OBI1: variants seen among roughly 807,000 people sequenced by gnomAD.
OBI1 encodes the protein ORC ubiquitin ligase 1.
OBI1 carries 59 observed loss-of-function variants against 62.4 expected under a neutral mutation model. The observed-to-expected ratio is 0.95, with a 90% CI of 0.77 to 1.17. The LOEUF (loss-of-function observed/expected upper bound fraction) is 1.17, where lower values mean the gene tolerates loss of function less well. Ranked by LOEUF, OBI1 falls within the 50% of genes most tolerant of loss-of-function variation. The pLI, the probability that OBI1 is intolerant of heterozygous loss-of-function variation, is 0.00. For synonymous variants in OBI1, 302 were observed against 292.8 expected (o/e 1.03, Z -0.32); for missense variants, 875 against 830.9 (o/e 1.05, Z -0.65).
rs566749053 is a variant in OBI1 at position 78,645,080 on chromosome 13, C to T, written c.73-83G>A. 45 of 1,328,682 alleles carry T rather than the reference C, an allele frequency of 3.4e-5. No homozygotes were observed. In the South Asian group the frequency reaches 5.9e-4, roughly 17 times the overall value. 82.3% of individuals were successfully genotyped at this position (1,328,682 alleles called of 1,614,324 possible). A position where few individuals can be genotyped will look rare whatever the true frequency, so the allele number is the denominator to read the frequency against. ...TGGTTTAGTTTACAGCAAACTGCTT[C>T]TCTAGATTATAGCAGAGTAGGAGTT... is the stretch of plus-strand genomic sequence containing the variant. On this transcript the variant is annotated intron_variant, in intron 1 of 5. Coordinates refer to ENST00000282003, the MANE Select transcript of OBI1 (RefSeq NM_024546.4).
chr13:78,655,210 C>G (rs944939272), intron 1 of OBI1, among the ~76,000 whole-genome samples: 3 of 152,072 alleles, frequency 2.0e-5, no homozygotes, highest in African/African-American at 7.2e-5. Flanking sequence ...AAAAGATAAA[C>G]CCTGGAATTA....
intron 5 of OBI1, among the ~76,000 whole-genome samples, chr13:78,626,938 C>A (rs1486054438): frequency 6.6e-6 from 1 of 151,980 alleles, no homozygotes; most frequent in Admixed American, 6.6e-5. Context: ...TGGTGGCGGG[C>A]GCCTGTAGTC....
chr13:78,659,149 A>G lies in OBI1; in HGVS notation c.-29T>C. ...AGCGTTCAGAATCCCGCCAACACGG[A>G]AGTCCCGCCGACCTACCGCTACTCT... On this transcript the variant is annotated 5_prime_UTR_variant, in exon 1 of 6. Transcript: ENST00000282003. 1 of 1,603,720 alleles carries G rather than the reference A, an allele frequency of 6.2e-7. No homozygotes were observed. Among genetic ancestry groups the G allele is most frequent in the Non-Finnish European group, 8.5e-7 (1 of 1,174,292 alleles).
At chr13:78,619,577 T>C (rs1434097870) in intron 5 of OBI1, among the ~76,000 whole-genome samples, 1 of 152,116 alleles carries the variant, frequency 6.6e-6, no homozygotes, top group African/African-American at 2.4e-5. Flanking sequence ...ATACTTTCAG[T>C]GATCAGGCCC....
In OBI1 at chr13:78,615,977, G is replaced by T. The variant is rs772630135; in HGVS notation, c.1784C>A (p.Ser595Tyr). ...ATTTTCTAACTGATCATTAGTTAGA[G>T]AACCTTTGGAAAGGTTTAGCTCAGT... ...EKTELNLSKG[S>Y]LTNDQLENGS... The change falls in exon 6 of 6, where the codon TCT becomes TAT. Residue 595 changes from serine (S) to tyrosine (Y), a missense_variant. Physicochemically the swap from Ser to Tyr is moderately radical, Grantham distance 144 (BLOSUM62 -2). Coordinates refer to ENST00000282003, the MANE Select transcript of OBI1 (RefSeq NM_024546.4). 38 of 1,613,874 alleles carry T rather than the reference G, an allele frequency of 2.4e-5. No homozygotes were observed. The highest frequency in any genetic ancestry group is 8.5e-7 in the Non-Finnish European group (1 of 1,179,992).
chr13:78,649,389 G>A (rs995225336), intron 1 of OBI1, among the ~76,000 whole-genome samples: 3 of 152,192 alleles, frequency 2.0e-5, no homozygotes, highest in Admixed American at 2.0e-4. Flanking sequence ...GGCCAGATAA[G>A]TAAAATATTG....
intron 1 of OBI1, among the ~76,000 whole-genome samples, chr13:78,658,610 G>C (rs943097436): frequency 6.6e-6 from 1 of 152,196 alleles, no homozygotes. Context: ...AGGCCCCAGA[G>C]GATGAACACT....
chr13:78,619,239 T>C (rs1834731717), intron 5 of OBI1, among the ~76,000 whole-genome samples: 1 of 152,022 alleles, frequency 6.6e-6, no homozygotes, highest in South Asian at 2.1e-4. Flanking sequence ...CTTCCCAAAA[T>C]ATTACCAGCT....
intron 5 of OBI1, among the ~76,000 whole-genome samples, chr13:78,634,500 T>C (rs1229551838): frequency 4.6e-5 from 7 of 152,076 alleles, no homozygotes; most frequent in Non-Finnish European, 8.8e-5. Context: ...TTCTGCCATG[T>C]TGCCCAGGCT....
intron 5 of OBI1, among the ~76,000 whole-genome samples, chr13:78,622,314 C>T (rs930216650): frequency 1.3e-5 from 2 of 152,034 alleles, no homozygotes; most frequent in Admixed American, 6.6e-5. Context: ...CAGAAGCATG[C>T]GCCTGTAGTC....
intron 4 of OBI1, among the ~76,000 whole-genome samples, chr13:78,638,477 G>C (rs1876094412): frequency 1.3e-5 from 2 of 152,082 alleles, no homozygotes; most frequent in Admixed American, 1.3e-4. Flanking sequence ...GGTACACAGG[G>C]GAAGTCGCTG....
At chr13:78,633,342 T>C (rs1330101301) in intron 5 of OBI1, among the ~76,000 whole-genome samples, 2 of 152,158 alleles carry the variant, frequency 1.3e-5, no homozygotes, top group African/African-American at 2.4e-5. Flanking sequence ...TCTCATTGGT[T>C]AGTTATCTCT....
chr13:78,635,210 A>C lies in OBI1; in HGVS notation c.550-12T>G, dbSNP rs745549593. On this transcript the variant is annotated splice_polypyrimidine_tract_variant and intron_variant, in intron 4 of 5. Transcript: ENST00000282003. ...AATTTTTTATTTGCCTAAAATAACA[A>C]ATTGAAAATAAGTAAGCAAAAGCTA... 3 of 1,487,104 alleles carry C rather than the reference A, an allele frequency of 2.0e-6. No homozygotes were observed. Among genetic ancestry groups the C allele is most frequent in the Non-Finnish European group, 2.8e-6 (3 of 1,071,016 alleles). 92.1% of individuals were successfully genotyped at this position (1,487,104 alleles called of 1,614,324 possible).
intron 4 of OBI1, among the ~76,000 whole-genome samples, chr13:78,635,833 G>C (rs1338892778): frequency 2.0e-5 from 3 of 152,034 alleles, no homozygotes; most frequent in Non-Finnish European, 4.4e-5. Context: ...TGTGATCTTG[G>C]CTCACTGCAA....
intron 4 of OBI1, among the ~76,000 whole-genome samples, chr13:78,636,731 G>A (rs1876041704): frequency 6.6e-6 from 1 of 152,162 alleles, no homozygotes; most frequent in Admixed American, 6.5e-5. Flanking sequence ...GAAGATATAA[G>A]GAAAGCCATT....
chr13:78,620,262 A>G (rs999759140), intron 5 of OBI1, among the ~76,000 whole-genome samples: 5 of 152,222 alleles, frequency 3.3e-5, no homozygotes, highest in African/African-American at 1.2e-4. Flanking sequence ...GAGCTTATTT[A>G]TCTTTGGGTT....
chr13:78,619,447 T>C (rs1057501760), intron 5 of OBI1, among the ~76,000 whole-genome samples: 2 of 151,928 alleles, frequency 1.3e-5, no homozygotes, highest in Admixed American at 6.6e-5. Context: ...CAAAGGCCAG[T>C]AGCAGATCAC....
At chr13:78,619,323 C>CTA (rs1023920480) in intron 5 of OBI1, among the ~76,000 whole-genome samples, 2 of 150,340 alleles carry the variant, frequency 1.3e-5, no homozygotes, top group Non-Finnish European at 3.0e-5. Flanking sequence ...CTCTCTCTCT[C>CTA]TATATATTTT....
At chr13:78,650,179 T>C (rs1260942646) in intron 1 of OBI1, among the ~76,000 whole-genome samples, 3 of 152,042 alleles carry the variant, frequency 2.0e-5, no homozygotes, top group Admixed American at 2.0e-4. Flanking sequence ...TTACCCAGAG[T>C]TGGGGTTTTG....
Sources: gnomAD v4.1 joint callset for allele counts (sites outside exome capture counted in the v4.1 genomes callset) on GRCh38, gnomAD v4.1.1 for gene constraint, MANE v1.5 for transcripts, NCBI Gene and HGNC (gene_info 2026-07-23, HGNC 2026-07-21) for gene names.